PPM1H: variants seen among roughly 807,000 people sequenced by gnomAD.
The protein encoded by PPM1H is protein phosphatase, Mg2+/Mn2+ dependent 1H, also known as protein phosphatase 1H.
A neutral mutation model predicts 54.9 loss-of-function variants in PPM1H; 27 were observed. The observed-to-expected ratio is 0.49, with a 90% CI of 0.36 to 0.68. The LOEUF (loss-of-function observed/expected upper bound fraction) is 0.68. Ranked by LOEUF, PPM1H falls within the 30% of genes least tolerant of loss-of-function variation. PPM1H has a pLI of 0.00. For missense variants in PPM1H, 596 were observed against 667.8 expected (o/e 0.89, Z 1.19); for synonymous variants, 305 against 270.8 (o/e 1.13, Z -1.24).
intron 1 of PPM1H, among the ~76,000 whole-genome samples, chr12:62,862,260 G>C (rs932605939): frequency 6.6e-6 from 1 of 152,196 alleles, no homozygotes; most frequent in Admixed American, 6.5e-5. Flanking sequence ...ACTGGCCCCA[G>C]GAGAGGCAAG....
At chr12:62,806,269 G>A (rs2076804718) in intron 2 of PPM1H, among the ~76,000 whole-genome samples, 1 of 152,008 alleles carries the variant, frequency 6.6e-6, no homozygotes, top group African/African-American at 2.4e-5. Context: ...ATTACTCTGT[G>A]CTCTTTAAAA....
At chr12:62,932,298 A>C (rs1396452454) in intron 1 of PPM1H, among the ~76,000 whole-genome samples, 1 of 152,110 alleles carries the variant, frequency 6.6e-6, no homozygotes, top group Admixed American at 6.5e-5. Context: ...GCACTCTCTC[A>C]TGCGTGTCTC....
intron 3 of PPM1H, 102 bp downstream of exon 3, chr12:62,801,714 C>T: frequency 7.8e-7 from 1 of 1,284,202 alleles, no homozygotes; most frequent in Non-Finnish European, 1.1e-6. Flanking sequence ...TGGAGCCAGG[C>T]AGCAAAACCG....
At chr12:62,897,294 C>G (rs920139264) in intron 1 of PPM1H, among the ~76,000 whole-genome samples, 1 of 151,992 alleles carries the variant, frequency 6.6e-6, no homozygotes, top group Middle Eastern at 3.2e-3. Flanking sequence ...TTGTGCCCTC[C>G]CCCATTATAA....
intron 2 of PPM1H, among the ~76,000 whole-genome samples, chr12:62,803,041 T>C (rs2076781099): frequency 1.3e-5 from 2 of 152,216 alleles, no homozygotes; most frequent in South Asian, 2.1e-4. Context: ...TTGTCCCATC[T>C]TTCTTGGTCT....
chr12:62,769,183 A>G (rs1387376101), intron 4 of PPM1H, among the ~76,000 whole-genome samples: 1 of 152,210 alleles, frequency 6.6e-6, no homozygotes, highest in Non-Finnish European at 1.5e-5. Flanking sequence ...TATCTGCTGC[A>G]GAAAGAACAG....
chr12:62,895,047 G>T (rs757827370), intron 1 of PPM1H, among the ~76,000 whole-genome samples: 12 of 152,200 alleles, frequency 7.9e-5, no homozygotes, highest in African/African-American at 2.7e-4. Flanking sequence ...AGAAAGGAAG[G>T]TCAGCACAGG....
At chr12:62,871,384 G>C (rs1197308578) in intron 1 of PPM1H, among the ~76,000 whole-genome samples, 1 of 152,128 alleles carries the variant, frequency 6.6e-6, no homozygotes, top group African/African-American at 2.4e-5. Context: ...CATAGGGGAG[G>C]CAGAGAATGG....
Position 62,666,256 on chromosome 12 carries a change from T to A in PPM1H, c.1397+922A>T, listed in dbSNP as rs532134483. ...CTATGCCCAGCTAAAAATATTTATA[T>A]TTTTGACTGCTAAATCCAATAAAGA... On this transcript the variant is annotated intron_variant, in intron 9 of 9. Transcript: ENST00000228705. Among the ~76,000 whole-genome samples the A allele has an allele frequency of 3.3e-5, 5 of 152,248 alleles. No individual in the cohort carries two copies. In the South Asian group the frequency reaches 1.0e-3, roughly 32 times the overall value.
intron 1 of PPM1H, among the ~76,000 whole-genome samples, chr12:62,863,459 C>T (rs927106297): frequency 2.6e-5 from 4 of 152,210 alleles, no homozygotes; most frequent in African/African-American, 9.6e-5. Flanking sequence ...AATACTATGG[C>T]TAAATTGTTG....
chr12:62,791,030 A>T (rs1356902879), intron 3 of PPM1H, among the ~76,000 whole-genome samples: 1 of 152,144 alleles, frequency 6.6e-6, no homozygotes, highest in African/African-American at 2.4e-5. Context: ...AGGCCAGGTA[A>T]ATGGTAGTTT....
chr12:62,909,865 T>A (rs1186120502), intron 1 of PPM1H, among the ~76,000 whole-genome samples: 2 of 152,220 alleles, frequency 1.3e-5, no homozygotes, highest in African/African-American at 4.8e-5. Flanking sequence ...CTCAAAGTAT[T>A]ATTAAAGCAA....
intron 1 of PPM1H, among the ~76,000 whole-genome samples, chr12:62,873,605 T>C (rs1473092729): frequency 6.6e-6 from 1 of 152,162 alleles, no homozygotes; most frequent in Admixed American, 6.5e-5. Context: ...CCCAGATCCA[T>C]GTCATTACTG....
intron 5 of PPM1H, among the ~76,000 whole-genome samples, chr12:62,730,946 C>T (rs943012145): frequency 6.6e-6 from 1 of 152,170 alleles, no homozygotes; most frequent in African/African-American, 2.4e-5. Context: ...TGTGAAATGG[C>T]TGAGACCCAA....
intron 4 of PPM1H, among the ~76,000 whole-genome samples, chr12:62,759,866 T>C (rs1220295438): frequency 7.0e-6 from 1 of 142,534 alleles, no homozygotes; most frequent in Non-Finnish European, 1.5e-5. Context: ...TCTCCCACCC[T>C]GTTTCCACTT....
At chr12:62,683,029 A>AT (rs1470803495) in intron 8 of PPM1H, among the ~76,000 whole-genome samples, 8 of 125,462 alleles carry the variant, frequency 6.4e-5, no homozygotes, top group Admixed American at 9.0e-5. Context: ...GGGAGAGTTT[A>AT]TTATTTATTA....
At chr12:62,910,281 A>C (rs1871415669) in intron 1 of PPM1H, among the ~76,000 whole-genome samples, 1 of 152,202 alleles carries the variant, frequency 6.6e-6, no homozygotes, top group South Asian at 2.1e-4. Context: ...TGATTAAGTG[A>C]ATACATTGGG....
intron 6 of PPM1H, among the ~76,000 whole-genome samples, chr12:62,710,603 G>T (rs541394157): frequency 2.0e-4 from 31 of 152,036 alleles, no homozygotes; most frequent in African/African-American, 7.2e-4. Flanking sequence ...GGGACAGAGG[G>T]GCTGGCAACG....
rs553874839 is a variant in PPM1H at position 62,738,667 on chromosome 12, T to C, written c.870-1081A>G. 2.3e-4 allele frequency among the ~76,000 whole-genome samples: 35 copies of C among 152,150 alleles called. No homozygotes were observed. The East Asian group carries it at 6.6e-3, about 29-fold the overall frequency. On this transcript the variant is annotated intron_variant, in intron 4 of 9. Transcript: ENST00000228705. ...CAACAAATGGAAGTGGCTTGGGGAA[T>C]TGCATTCTATATGAACCCAACAGCT...
Sources: allele counts gnomAD v4.1 joint callset (sites outside exome capture counted in the v4.1 genomes callset), GRCh38; gene constraint gnomAD v4.1.1; transcripts MANE v1.5; gene names NCBI Gene and HGNC (gene_info 2026-07-23, HGNC 2026-07-21).